Variants in PCDHGC4 observed in about 807,000 individuals in gnomAD.
The protein encoded by PCDHGC4 is protocadherin gamma subfamily C, 4.
Under a neutral mutation model 59.7 loss-of-function variants are expected in PCDHGC4, and 15 were observed. That is an observed-to-expected ratio of 0.25 (90% CI 0.17 to 0.39). The LOEUF is 0.39. Among genes scored for constraint, PCDHGC4 ranks in the 10% least tolerant of loss-of-function variants. The pLI is 1.00. For missense variants in PCDHGC4, 1,016 were observed against 1,189.5 expected, an observed-to-expected ratio of 0.85 and a Z score of 2.15; for synonymous variants, 434 against 481.4, an observed-to-expected ratio of 0.90 and a Z score of 1.29.
intron 3 of PCDHGC4, 99 bp from the exon 4 acceptor site, chr5:141,510,848 G>A: frequency 6.3e-7 from 1 of 1,596,080 alleles, no homozygotes. Flanking sequence ...TCAAGGCCCA[G>A]GGTGCTGTAT....
At position 141,505,390 on chromosome 5, in the gene PCDHGC4, C is replaced by T; in HGVS notation, c.2502-3C>T. On this transcript the variant is annotated splice_polypyrimidine_tract_variant and splice_region_variant and intron_variant, in intron 2 of 3. Coordinates refer to ENST00000306593, the MANE Select transcript of PCDHGC4 (RefSeq NM_018928.3). ...TGTGCTCACCATCCTACTCTCTCCCCAGCTCCCAAAATGGCGATGACACCG... is the reference window on the plus strand; with the variant it reads ...TGTGCTCACCATCCTACTCTCTCCCTAGCTCCCAAAATGGCGATGACACCG... The T allele has an allele frequency of 6.2e-7, 1 of 1,614,130 alleles. No individual in the cohort carries two copies.
intron 2 of PCDHGC4, among the ~76,000 whole-genome samples, chr5:141,496,468 C>T (rs1410143575): frequency 2.0e-5 from 3 of 152,126 alleles, no homozygotes; most frequent in Non-Finnish European, 4.4e-5. Context: ...AGTTATCTTT[C>T]CCCCATCCTG....
rs183831513 is a variant in PCDHGC4 at position 141,497,605 on chromosome 5, T to A, written c.2501+2740T>A. ...CCCAAGCTGGAGTGCAGTGGTGCGA[T>A]CTTGGCTCACTGCAACCTCTGCCTG... On this transcript the variant is annotated intron_variant, in intron 2 of 3. Coordinates refer to ENST00000306593, the MANE Select transcript of PCDHGC4 (RefSeq NM_018928.3). Among the ~76,000 whole-genome samples, 19 of 151,488 alleles carry A rather than the reference T, an allele frequency of 1.3e-4. No individual in the cohort carries two copies. In the East Asian group the frequency reaches 3.7e-3, roughly 29 times the overall value.
Position 141,487,830 on chromosome 5 carries a change from T to C in PCDHGC4, c.2442+215T>C, listed in dbSNP as rs1410090651. On this transcript the variant is annotated intron_variant, in intron 1 of 3. Transcript: ENST00000306593. This position sits in a 1 kb window ranked among gnomAD's most constrained non-coding sequence, Gnocchi z 5.0. ...TTTAGCATTGGGGGCGGGTCATGCC[T>C]ATATCTGAGTAAGAAATGAAAGTAA... The C allele has an allele frequency of 3.5e-6, 4 of 1,139,942 alleles. No homozygotes were observed. The highest frequency in any genetic ancestry group is 1.6e-5 in the African/African-American group (1 of 63,734). The allele number at this position is 1,139,942 out of a possible 1,614,324, so 70.6% of individuals were successfully genotyped here.
chr5:141,497,060 G>A (rs1244885752), intron 2 of PCDHGC4, among the ~76,000 whole-genome samples: 1 of 151,952 alleles, frequency 6.6e-6, no homozygotes, highest in African/African-American at 2.4e-5. Context: ...GTGGTGGCAG[G>A]CACCTGTAAT....
At chr5:141,499,184 A>G (rs2099789986) in intron 2 of PCDHGC4, among the ~76,000 whole-genome samples, 1 of 151,726 alleles carries the variant, frequency 6.6e-6, no homozygotes, top group African/African-American at 2.4e-5. Context: ...CCAGCAAACC[A>G]TTTCCCCCTT....
chr5:141,508,979 G>C (rs1317798009), intron 3 of PCDHGC4, among the ~76,000 whole-genome samples: 1 of 152,110 alleles, frequency 6.6e-6, no homozygotes, highest in Admixed American at 6.5e-5. Context: ...GCTGGGGGTG[G>C]GGGCCAGCTG....
At chr5:141,500,152 A>C (rs1301287171) in intron 2 of PCDHGC4, among the ~76,000 whole-genome samples, 1 of 151,610 alleles carries the variant, frequency 6.6e-6, no homozygotes, top group African/African-American at 2.4e-5. Flanking sequence ...TTCTTTGTGT[A>C]ATCAAAGAAC....
At chr5:141,507,171 C>T (rs183042063) in intron 3 of PCDHGC4, 3 of 152,462 alleles carry the variant, frequency 2.0e-5, no homozygotes, top group South Asian at 2.1e-4. Context: ...AGGCTGTCCT[C>T]TTCCTCGAGC....
intron 2 of PCDHGC4, among the ~76,000 whole-genome samples, chr5:141,502,253 T>C (rs1331834149): frequency 6.6e-6 from 1 of 152,232 alleles, no homozygotes; most frequent in South Asian, 2.1e-4. Context: ...TTTTTTTTAA[T>C]CCAGGATTTT....
chr5:141,504,180 A>G (rs1195970606), intron 2 of PCDHGC4, among the ~76,000 whole-genome samples: 1 of 152,236 alleles, frequency 6.6e-6, no homozygotes, highest in Non-Finnish European at 1.5e-5. Context: ...ATTCAAAAAA[A>G]TCATGAAAAT....
At position 141,485,727 on chromosome 5, in the gene PCDHGC4, G is replaced by T. The variant is rs773176318; in HGVS notation, c.554G>T (p.Arg185Leu). The T allele has an allele frequency of 3.1e-6, 5 of 1,614,196 alleles. No homozygotes were observed. In the Admixed American group the frequency reaches 5.0e-5, roughly 16 times the overall value. ...NEHFALDVKK[R>L]SDGSLVPELL... Reference sequence around the variant, plus strand: ...CACTTTGCACTGGATGTGAAGAAGCGCAGCGACGGCAGCCTGGTCCCAGAG... The same window carrying T: ...CACTTTGCACTGGATGTGAAGAAGCTCAGCGACGGCAGCCTGGTCCCAGAG... The change falls in exon 1 of 4, where the codon CGC becomes CTC. Residue 185 changes from arginine (R) to leucine (L), a missense_variant. Transcript: ENST00000306593. The surrounding 1 kb of genome is among the most constrained non-coding windows in gnomAD (Gnocchi z 5.7).
At chr5:141,503,178 T>C (rs988629461) in intron 2 of PCDHGC4, among the ~76,000 whole-genome samples, 56 of 151,998 alleles carry the variant, frequency 3.7e-4, no homozygotes, top group African/African-American at 1.3e-3. Flanking sequence ...TACTCTATTG[T>C]GTAATTATTT....
Position 141,489,819 on chromosome 5 carries a change from G to T in PCDHGC4, c.2442+2204G>T. On this transcript the variant is annotated intron_variant, in intron 1 of 3. Transcript: ENST00000306593. This position sits in a 1 kb window ranked among gnomAD's most constrained non-coding sequence, Gnocchi z 4.5. ...TAAAAGATGGGAAGCCATTCCCAGA[G>T]CTGGTGCTAGAGCAGCAGCTGGATC... 6.2e-7 allele frequency: 1 copy of T among 1,614,190 alleles called. No homozygotes were observed.
chr5:141,504,561 T>G (rs1023434942), intron 2 of PCDHGC4, among the ~76,000 whole-genome samples: 1 of 150,052 alleles, frequency 6.7e-6, no homozygotes, highest in Non-Finnish European at 1.5e-5. Context: ...GGGACTGGCA[T>G]TCTAGGGAAC....
At chr5:141,488,578 G>A (rs1286219713) in intron 1 of PCDHGC4, among the ~76,000 whole-genome samples, 2 of 152,178 alleles carry the variant, frequency 1.3e-5, no homozygotes, top group Non-Finnish European at 2.9e-5. Flanking sequence ...AGCATTGCTG[G>A]AGAGTCAGGG....
At chr5:141,504,529 G>A (rs1333393859) in intron 2 of PCDHGC4, among the ~76,000 whole-genome samples, 1 of 151,900 alleles carries the variant, frequency 6.6e-6, no homozygotes, top group African/African-American at 2.4e-5. Context: ...TATTTTATTC[G>A]TGTCATCATG....
chr5:141,490,142 C>T lies in PCDHGC4; in HGVS notation c.2442+2527C>T. On this transcript the variant is annotated intron_variant, in intron 1 of 3. Transcript: ENST00000306593. This position sits in a 1 kb window ranked among gnomAD's most constrained non-coding sequence, Gnocchi z 5.4. ...TTTGGCCTAGACCCTAGCAGTGGGG[C>T]AATCCATGTGTTGGGTCCCATAGAC... 2 of 1,614,220 alleles carry T rather than the reference C, an allele frequency of 1.2e-6. No individual in the cohort carries two copies. Among genetic ancestry groups the T allele is most frequent in the South Asian group, 1.1e-5 (1 of 91,088 alleles).
rs138463062 is a variant in PCDHGC4 at position 141,485,217 on chromosome 5, C to G, written c.44C>G (p.Ala15Gly). 6.8e-6 allele frequency: 11 copies of G among 1,613,996 alleles called. No individual in the cohort carries two copies. Among genetic ancestry groups the G allele is most frequent in the Non-Finnish European group, 9.3e-6 (11 of 1,179,978 alleles). ...VRSWTEIWRWATLLFLFYHLG... is the reference protein window; with the variant it reads ...VRSWTEIWRWGTLLFLFYHLG... ...AGCTGGACAGAAATCTGGCGGTGGGCTACCCTTTTGTTCCTCTTTTACCAC... is the reference window on the plus strand; with the variant it reads ...AGCTGGACAGAAATCTGGCGGTGGGGTACCCTTTTGTTCCTCTTTTACCAC... Residue 15 changes from alanine (A) to glycine (G), a missense_variant, in exon 1 of 4, where the codon GCT (alanine) becomes GGT (glycine). By Grantham distance (60) the Ala-to-Gly change is moderately conservative. Coordinates refer to ENST00000306593, the MANE Select transcript of PCDHGC4 (RefSeq NM_018928.3). This position sits in a 1 kb window ranked among gnomAD's most constrained non-coding sequence, Gnocchi z 5.7.
Sources: gnomAD v4.1 joint callset for allele counts (sites outside exome capture counted in the v4.1 genomes callset) on GRCh38, gnomAD v4.1.1 for gene constraint, Gnocchi (gnomAD v3.1) non-coding constraint, MANE v1.5 for transcripts, NCBI Gene and HGNC (gene_info 2026-07-23, HGNC 2026-07-21) for gene names.